Variants in SLC71A2 observed in about 807,000 individuals in gnomAD.
SLC71A2 encodes the protein solute carrier family 71 member 2.
the SLC71A2 span, among the ~76,000 whole-genome samples, chr9:94,404,312 G>C: frequency 6.6e-6 from 1 of 150,838 alleles, no homozygotes; most frequent in East Asian, 1.9e-4. Flanking sequence ...TTGTTTTTTT[G>C]GGGGACAGAT....
the SLC71A2 span, among the ~76,000 whole-genome samples, chr9:94,443,207 A>G: frequency 3.3e-5 from 5 of 152,114 alleles, no homozygotes; most frequent in Non-Finnish European, 7.3e-5. Flanking sequence ...GTTAGGGTTA[A>G]TATCTACTCA....
the SLC71A2 span, among the ~76,000 whole-genome samples, chr9:94,426,207 C>T: frequency 1.3e-5 from 2 of 150,960 alleles, no homozygotes; most frequent in Non-Finnish European, 1.5e-5. Context: ...AATCTCATTC[C>T]GTTCAATCCT....
At chr9:94,444,755 C>T in the SLC71A2 span, among the ~76,000 whole-genome samples, 4 of 151,716 alleles carry the variant, frequency 2.6e-5, no homozygotes, top group Non-Finnish European at 5.9e-5. Context: ...CACTTTAATT[C>T]TCTTTCATTC....
At chr9:94,444,146 A>G in the SLC71A2 span, among the ~76,000 whole-genome samples, 32 of 152,346 alleles carry the variant, frequency 2.1e-4, no homozygotes, top group African/African-American at 6.7e-4. Flanking sequence ...TATGCATTTG[A>G]CATTTAGTGT....
At chr9:94,438,453 G>C in the SLC71A2 span, 5 of 1,613,974 alleles carry the variant, frequency 3.1e-6, no homozygotes, top group Non-Finnish European at 4.2e-6. Context: ...TCTGATGTGT[G>C]GGGGAGGAAG....
chr9:94,410,381 G>A, the SLC71A2 span, among the ~76,000 whole-genome samples: 1 of 150,232 alleles, frequency 6.7e-6, no homozygotes, highest in African/African-American at 2.5e-5. Context: ...AGGATTACTG[G>A]CATGAGCTAC....
At chr9:94,445,128 G>A in the SLC71A2 span, 2 of 1,614,168 alleles carry the variant, frequency 1.2e-6, no homozygotes, top group Non-Finnish European at 1.7e-6. Flanking sequence ...CTGAGAAAAT[G>A]AGACCGGTTT....
At chr9:94,393,708 T>G in the SLC71A2 span, among the ~76,000 whole-genome samples, 1 of 147,360 alleles carries the variant, frequency 6.8e-6, no homozygotes, top group Non-Finnish European at 1.5e-5. Context: ...AAAATGAAGG[T>G]ATGTATATAT....
At chr9:94,411,621 G>GT in the SLC71A2 span, among the ~76,000 whole-genome samples, 213 of 146,266 alleles carry the variant, frequency 1.5e-3, 1 homozygote, top group Middle Eastern at 3.5e-3. Flanking sequence ...ACAGAGTTTC[G>GT]TGCTTGTTGC....
chr9:94,420,541 C>G, the SLC71A2 span, among the ~76,000 whole-genome samples: 1 of 151,544 alleles, frequency 6.6e-6, no homozygotes, highest in East Asian at 1.9e-4. Context: ...ACTGTCATGT[C>G]AAATGTGAGA....
the SLC71A2 span, chr9:94,453,995 A>AT: frequency 6.2e-7 from 1 of 1,614,102 alleles, no homozygotes; most frequent in Non-Finnish European, 8.5e-7. Flanking sequence ...TCATTAGGAA[A>AT]TAAGAATACT....
At chr9:94,391,253 C>CAGCT in the SLC71A2 span, among the ~76,000 whole-genome samples, 1 of 149,748 alleles carries the variant, frequency 6.7e-6, no homozygotes, top group South Asian at 2.1e-4. Flanking sequence ...TCTGTAGTCC[C>CAGCT]AGCTACTTGG....
At chr9:94,451,990 T>C in the SLC71A2 span, among the ~76,000 whole-genome samples, 19 of 152,312 alleles carry the variant, frequency 1.2e-4, no homozygotes, top group African/African-American at 4.6e-4. Context: ...GTGCTCCCCT[T>C]GCACCAGCAT....
chr9:94,446,417 C>A, the SLC71A2 span, among the ~76,000 whole-genome samples: 78,434 of 152,054 alleles, frequency 0.52, 20,476 homozygotes, highest in Admixed American at 0.61. Context: ...GTGAATTTAC[C>A]TATACGGAAA....
chr9:94,439,268 A>G, the SLC71A2 span, among the ~76,000 whole-genome samples: 15,625 of 151,466 alleles, frequency 0.1, 1,447 homozygotes, highest in East Asian at 0.35. Context: ...CGGCCTCCCA[A>G]AGTGCTGGGA....
the SLC71A2 span, among the ~76,000 whole-genome samples, chr9:94,423,842 GCC>G: frequency 1.3e-5 from 2 of 152,118 alleles, no homozygotes; most frequent in Non-Finnish European, 2.9e-5. Flanking sequence ...TTCTCTTAAT[GCC>G]TTTGGATGAC....
At chr9:94,454,673 A>G in the SLC71A2 span, among the ~76,000 whole-genome samples, 1 of 152,086 alleles carries the variant, frequency 6.6e-6, no homozygotes, top group African/African-American at 2.4e-5. Context: ...CACATATGCT[A>G]ATTTTTAGAG....
chr9:94,457,252 A>G, the SLC71A2 span, among the ~76,000 whole-genome samples: 2 of 152,046 alleles, frequency 1.3e-5, no homozygotes, highest in East Asian at 3.9e-4. Context: ...GTGAGCCCCC[A>G]TGCCTGGACT....
At chr9:94,457,453 AT>A in the SLC71A2 span, among the ~76,000 whole-genome samples, 8 of 150,530 alleles carry the variant, frequency 5.3e-5, no homozygotes, top group Middle Eastern at 6.9e-3. Flanking sequence ...TATTCATTGC[AT>A]TTTTTTTTTC....
Sources: gnomAD v4.1 joint callset for allele counts (sites outside exome capture counted in the v4.1 genomes callset) on GRCh38, gnomAD v4.1.1 for gene constraint, MANE v1.5 for transcripts, NCBI Gene and HGNC (gene_info 2026-07-23, HGNC 2026-07-21) for gene names.